The following DISC1 variants were observed in gnomAD, a reference collection of about 807,000 sequenced individuals.
DISC1 encodes the protein disrupted in schizophrenia 1 protein.
DISC1 carries 57 observed loss-of-function variants against 84.5 expected under a neutral mutation model. That is an observed-to-expected ratio of 0.67 (90% CI 0.55 to 0.84). The LOEUF (loss-of-function observed/expected upper bound fraction) is 0.84. Ranked by LOEUF, DISC1 falls within the 40% of genes least tolerant of loss-of-function variation. DISC1 has a pLI of 0.00. For missense variants in DISC1, 1,000 were observed against 1,057.8 expected (o/e 0.95, Z 0.76); for synonymous variants, 411 against 415.2 (o/e 0.99, Z 0.12).
intron 9 of DISC1, among the ~76,000 whole-genome samples, chr1:231,828,860 C>T (rs986456296): frequency 2.0e-5 from 3 of 152,220 alleles, no homozygotes; most frequent in Admixed American, 2.0e-4. Flanking sequence ...TTATCATTCC[C>T]AATCTACCAA....
At chr1:231,664,768 C>T (rs1261960919) in intron 1 of DISC1, among the ~76,000 whole-genome samples, 1 of 151,952 alleles carries the variant, frequency 6.6e-6, no homozygotes, top group Non-Finnish European at 1.5e-5. Context: ...ATACAGTTGA[C>T]CCTCGAACGA....
At chr1:231,819,729 C>T (rs1288389625) in intron 9 of DISC1, among the ~76,000 whole-genome samples, 1 of 151,886 alleles carries the variant, frequency 6.6e-6, no homozygotes, top group African/African-American at 2.4e-5. Flanking sequence ...GAGGATTGTA[C>T]ATTTGAAATA....
intron 6 of DISC1, among the ~76,000 whole-genome samples, chr1:231,783,181 G>T (rs931086021): frequency 6.6e-6 from 1 of 152,080 alleles, no homozygotes; most frequent in Non-Finnish European, 1.5e-5. Context: ...TGAGTTTTTG[G>T]GGGTGGGGGA....
At chr1:231,691,688 T>C (rs1157199602) in intron 1 of DISC1, among the ~76,000 whole-genome samples, 3 of 152,254 alleles carry the variant, frequency 2.0e-5, no homozygotes, top group Non-Finnish European at 2.9e-5. Flanking sequence ...CCTTTGGTAA[T>C]TGAAGCCAGA....
intron 1 of DISC1, among the ~76,000 whole-genome samples, chr1:231,649,247 G>A (rs766301632): frequency 3.3e-5 from 5 of 152,136 alleles, no homozygotes; most frequent in Non-Finnish European, 7.4e-5. Context: ...AGAGATTCTG[G>A]TATGTTGTGT....
Position 231,778,470 on chromosome 1 carries a change from C to T in DISC1, c.1634+7400C>T, listed in dbSNP as rs202104642. On this transcript the variant is annotated intron_variant, in intron 6 of 12. Transcript: ENST00000439617. ...TTAAAGTTCCCTGGGCAGGCTGTGACCATCCACAGGCCACGGTGCTCCAGC... is the reference window on the plus strand; with the variant it reads ...TTAAAGTTCCCTGGGCAGGCTGTGATCATCCACAGGCCACGGTGCTCCAGC... Among the ~76,000 whole-genome samples the T allele has an allele frequency of 8.5e-5, 13 of 152,298 alleles. No individual in the cohort carries two copies. The East Asian group carries it at 2.5e-3, about 29-fold the overall frequency.
At chr1:231,760,906 G>A (rs544096121) in intron 4 of DISC1, among the ~76,000 whole-genome samples, 10 of 152,274 alleles carry the variant, frequency 6.6e-5, no homozygotes, top group South Asian at 6.2e-4. Context: ...TTAACAAGCC[G>A]GCACAGGAAC....
At chr1:231,682,367 A>G (rs1417314924) in intron 1 of DISC1, among the ~76,000 whole-genome samples, 3 of 152,222 alleles carry the variant, frequency 2.0e-5, no homozygotes. Context: ...CTGTTTTTCA[A>G]GTGCCTTCAG....
At chr1:231,715,858 G>A (rs1215472034) in intron 3 of DISC1, among the ~76,000 whole-genome samples, 1 of 152,188 alleles carries the variant, frequency 6.6e-6, no homozygotes, top group African/African-American at 2.4e-5. Flanking sequence ...GAAATGTTTA[G>A]TAACTGTCTC....
intron 9 of DISC1, among the ~76,000 whole-genome samples, chr1:231,902,062 C>T (rs930435889): frequency 6.6e-6 from 1 of 151,684 alleles, no homozygotes; most frequent in African/African-American, 2.4e-5. Flanking sequence ...ATTTATTATA[C>T]ATATTAGGTC....
intron 10 of DISC1, among the ~76,000 whole-genome samples, chr1:231,999,276 T>G (rs1273610135): frequency 6.6e-6 from 1 of 152,100 alleles, no homozygotes; most frequent in Non-Finnish European, 1.5e-5. Context: ...TGAAAGACCG[T>G]GAGAGGACAG....
At chr1:231,652,152 A>G (rs1309644263) in intron 1 of DISC1, among the ~76,000 whole-genome samples, 1 of 152,176 alleles carries the variant, frequency 6.6e-6, no homozygotes, top group African/African-American at 2.4e-5. Flanking sequence ...AAATGCAGAA[A>G]TCACCATCTT....
intron 11 of DISC1, among the ~76,000 whole-genome samples, chr1:232,013,820 A>G (rs1169004950): frequency 1.3e-5 from 2 of 152,058 alleles, no homozygotes; most frequent in African/African-American, 4.8e-5. Flanking sequence ...GAAGAGAGTG[A>G]CCTTTCTAGG....
At chr1:231,676,962 T>C (rs16854756) in intron 1 of DISC1, among the ~76,000 whole-genome samples, 5,580 of 152,198 alleles carry the variant, frequency 0.037, 332 homozygotes, top group African/African-American at 0.13. Flanking sequence ...TGATTTTGAG[T>C]GTTTAGAGTG....
intron 9 of DISC1, among the ~76,000 whole-genome samples, chr1:231,877,404 C>T (rs904483824): frequency 6.6e-6 from 1 of 152,214 alleles, no homozygotes; most frequent in Non-Finnish European, 1.5e-5. Context: ...GGGACTATAA[C>T]TTACCTCCTT....
At chr1:231,672,195 A>C (rs2062694163) in intron 1 of DISC1, among the ~76,000 whole-genome samples, 1 of 152,066 alleles carries the variant, frequency 6.6e-6, no homozygotes, top group South Asian at 2.1e-4. Context: ...TTTGATCTTC[A>C]GTAAGTCCAT....
At chr1:231,727,709 C>T (rs975877286) in intron 3 of DISC1, among the ~76,000 whole-genome samples, 1 of 152,164 alleles carries the variant, frequency 6.6e-6, no homozygotes, top group Non-Finnish European at 1.5e-5. Context: ...ATTCTTTTCT[C>T]ACCATTTTAC....
In DISC1 at chr1:231,743,485, A is replaced by G. The variant is rs139514958; in HGVS notation, c.1118-6441A>G. Among the ~76,000 whole-genome samples, 112 of 152,352 alleles carry G rather than the reference A, an allele frequency of 7.4e-4. 1 individual carries two copies. Among genetic ancestry groups the G allele is most frequent in the African/African-American group, 2.6e-3 (109 of 41,576 alleles). ...TTACATACATTATGACTGTATCAGG[A>G]TGCTATTTTAGAACACATAATTCAA... On this transcript the variant is annotated intron_variant, in intron 3 of 12. Transcript: ENST00000439617.
intron 1 of DISC1, among the ~76,000 whole-genome samples, chr1:231,681,196 G>T (rs2063654868): frequency 6.6e-6 from 1 of 152,154 alleles, no homozygotes; most frequent in Admixed American, 6.5e-5. Flanking sequence ...ATGGAGAGGG[G>T]CTGCTTGATG....
Sources: gnomAD v4.1 joint callset for allele counts (sites outside exome capture counted in the v4.1 genomes callset) on GRCh38, gnomAD v4.1.1 for gene constraint, MANE v1.5 for transcripts, NCBI Gene and HGNC (gene_info 2026-07-23, HGNC 2026-07-21) for gene names.